TENM2: variants seen among roughly 807,000 people sequenced by gnomAD.
The protein encoded by TENM2 is teneurin transmembrane protein 2, also known as teneurin-2.
A neutral mutation model predicts 245.2 loss-of-function variants in TENM2; 52 were observed. The observed-to-expected ratio is 0.21, with a 90% CI of 0.17 to 0.27. TENM2 has a LOEUF of 0.27. Ranked by LOEUF, TENM2 falls within the 10% of genes least tolerant of loss-of-function variation. The pLI, the probability that TENM2 is intolerant of heterozygous loss-of-function variation, is 1.00. For synonymous variants in TENM2, 1,363 were observed against 1,438.9 expected (o/e 0.95, Z 1.19); for missense variants, 3,046 against 3,666.8 (o/e 0.83, Z 4.37).
At chr5:168,171,017 A>G (rs1758771101) in intron 13 of TENM2, among the ~76,000 whole-genome samples, 1 of 152,220 alleles carries the variant, frequency 6.6e-6, no homozygotes, top group South Asian at 2.1e-4. Flanking sequence ...TAGACTGCAC[A>G]AGTGCAAAGA....
intron 1 of TENM2, among the ~76,000 whole-genome samples, chr5:167,293,260 G>T (rs147806095): frequency 0.039 from 5,973 of 152,116 alleles, 376 homozygotes; most frequent in African/African-American, 0.13. Context: ...GGAGTGCAAT[G>T]GTGCAATCTC....
At chr5:167,964,937 TTTG>T (rs1189989470) in intron 4 of TENM2, among the ~76,000 whole-genome samples, 1 of 152,148 alleles carries the variant, frequency 6.6e-6, no homozygotes, top group African/African-American at 2.4e-5. Flanking sequence ...CACTCTGCTT[TTTG>T]CTTTTAATAA....
chr5:167,195,287 T>C, the TENM2 span, among the ~76,000 whole-genome samples: 31 of 152,194 alleles, frequency 2.0e-4, 1 homozygote, highest in East Asian at 5.8e-3. Context: ...CAGCCATTAA[T>C]AGCTTAAGTT....
chr5:167,356,991 T>C (rs1054800534), intron 1 of TENM2, among the ~76,000 whole-genome samples: 2 of 152,200 alleles, frequency 1.3e-5, no homozygotes, highest in Non-Finnish European at 2.9e-5. Context: ...CCTGAAAGTA[T>C]TGTGGGCCTT....
chr5:168,133,726 G>T (rs1427476379), intron 12 of TENM2, among the ~76,000 whole-genome samples: 3 of 152,170 alleles, frequency 2.0e-5, no homozygotes, highest in African/African-American at 7.2e-5. Flanking sequence ...AAACTTCCTT[G>T]CATAAGTTGA....
the TENM2 span, among the ~76,000 whole-genome samples, chr5:167,066,597 G>T: frequency 7.5e-6 from 1 of 134,188 alleles, no homozygotes; most frequent in East Asian, 2.2e-4. Flanking sequence ...TGTTCTCATT[G>T]TTCAATTCCT....
the TENM2 span, among the ~76,000 whole-genome samples, chr5:167,156,363 A>G: frequency 1.3e-5 from 2 of 152,226 alleles, no homozygotes; most frequent in South Asian, 4.1e-4. Flanking sequence ...TAAATTGCAC[A>G]GGAGATTTCC....
intron 12 of TENM2, among the ~76,000 whole-genome samples, chr5:168,137,862 A>G (rs1755192358): frequency 6.6e-6 from 1 of 152,204 alleles, no homozygotes; most frequent in African/African-American, 2.4e-5. Context: ...GCCAAGAAAG[A>G]TCAGTATCTA....
intron 2 of TENM2, among the ~76,000 whole-genome samples, chr5:167,872,360 AGAAGGAAG>A (rs1345392245): frequency 6.9e-6 from 1 of 144,482 alleles, no homozygotes; most frequent in Non-Finnish European, 1.5e-5. Context: ...GAAAGGAAAG[AGAAGGAAG>A]GAAGGAAGGA....
chr5:167,256,898 T>C, the TENM2 span, among the ~76,000 whole-genome samples: 2 of 152,154 alleles, frequency 1.3e-5, no homozygotes, highest in Non-Finnish European at 2.9e-5. Flanking sequence ...GAAGATCAAG[T>C]GGTAAAACAA....
chr5:167,462,099 A>G (rs1422733080), intron 2 of TENM2, among the ~76,000 whole-genome samples: 1 of 151,954 alleles, frequency 6.6e-6, no homozygotes, highest in African/African-American at 2.4e-5. Context: ...ACATGCATAC[A>G]TACATACACA....
At chr5:167,226,269 CT>C in the TENM2 span, among the ~76,000 whole-genome samples, 32,147 of 151,618 alleles carry the variant, frequency 0.21, 4,089 homozygotes, top group African/African-American at 0.36. Flanking sequence ...AATATCCCTA[CT>C]TTTTTGATGT....
At chr5:167,159,598 T>C in the TENM2 span, among the ~76,000 whole-genome samples, 2 of 152,212 alleles carry the variant, frequency 1.3e-5, no homozygotes, top group Non-Finnish European at 2.9e-5. Context: ...TACTATTTTA[T>C]CTATCAGTTA....
chr5:167,161,382 T>C, the TENM2 span, among the ~76,000 whole-genome samples: 2,978 of 152,332 alleles, frequency 0.02, 72 homozygotes, highest in African/African-American at 0.06. Context: ...TAGTATCTTT[T>C]AAAAGTTTTA....
chr5:167,685,263 AT>A (rs1279228006), intron 2 of TENM2, among the ~76,000 whole-genome samples: 1 of 152,188 alleles, frequency 6.6e-6, no homozygotes, highest in Non-Finnish European at 1.5e-5. Flanking sequence ...CCTTTTAGTT[AT>A]CTCTTCCTTT....
chr5:168,118,473 G>A, exon 10 of TENM2: 1 of 1,556,206 alleles, frequency 6.4e-7, no homozygotes, highest in Non-Finnish European at 8.8e-7. Context: ...ACAAAGGCGA[G>A]CACTGTGAGG....
intron 2 of TENM2, among the ~76,000 whole-genome samples, chr5:167,684,187 G>A (rs138714862): frequency 0.011 from 1,661 of 152,348 alleles, 14 homozygotes; most frequent in Non-Finnish European, 0.019. Flanking sequence ...CCCACTGGGT[G>A]CTTTTGCATG....
intron 2 of TENM2, among the ~76,000 whole-genome samples, chr5:167,677,196 T>C (rs190497843): frequency 1.3e-5 from 2 of 152,250 alleles, no homozygotes; most frequent in African/African-American, 4.8e-5. Flanking sequence ...CCTGAAATGA[T>C]TCCCTAAACA....
intron 5 of TENM2, among the ~76,000 whole-genome samples, chr5:168,042,175 G>C (rs1021535822): frequency 6.6e-6 from 1 of 152,126 alleles, no homozygotes; most frequent in African/African-American, 2.4e-5. Flanking sequence ...CTGATGGCAT[G>C]CTGAGCCCCA....
Sources: allele counts gnomAD v4.1 joint callset (sites outside exome capture counted in the v4.1 genomes callset), GRCh38; gene constraint gnomAD v4.1.1; transcripts MANE v1.5; gene names NCBI Gene and HGNC (gene_info 2026-07-23, HGNC 2026-07-21).